The following TTC7A variants were observed in gnomAD, a reference collection of about 807,000 sequenced individuals.
TTC7A encodes the protein tetratricopeptide repeat domain 7A, also known as tetratricopeptide repeat protein 7A.
TTC7A carries 110 observed loss-of-function variants against 103.7 expected under a neutral mutation model. The observed-to-expected ratio is 1.06, with a 90% CI of 0.91 to 1.24. TTC7A has a LOEUF of 1.24. TTC7A is among the 50% of genes most tolerant of loss of function. The pLI is 0.00. For missense variants in TTC7A, 1,340 were observed against 1,116.3 expected, an observed-to-expected ratio of 1.20 and a Z score of -2.86; for synonymous variants, 521 against 467.9, an observed-to-expected ratio of 1.11 and a Z score of -1.47.
chr2:47,046,198 C>G (rs998807941), intron 15 of TTC7A, 117 bp from the exon 16 acceptor site: 5 of 769,314 alleles, frequency 6.5e-6, no homozygotes, highest in Non-Finnish European at 1.1e-5. Flanking sequence ...CCTCATGGCA[C>G]TCTGCTTTCT....
At chr2:46,961,984 C>A (rs1672421772) in intron 3 of TTC7A, among the ~76,000 whole-genome samples, 1 of 152,218 alleles carries the variant, frequency 6.6e-6, no homozygotes, top group South Asian at 2.1e-4. Context: ...GCTGCCCACT[C>A]CCTTGGCAGA....
At chr2:47,037,110 C>T (rs1434421718) in intron 15 of TTC7A, among the ~76,000 whole-genome samples, 1 of 152,224 alleles carries the variant, frequency 6.6e-6, no homozygotes, top group Non-Finnish European at 1.5e-5. Context: ...TGCCCATCTT[C>T]AGAGGACCCC....
chr2:46,989,782 T>C (rs1675420214), intron 5 of TTC7A, among the ~76,000 whole-genome samples: 1 of 151,914 alleles, frequency 6.6e-6, no homozygotes, highest in Non-Finnish European at 1.5e-5. Context: ...TAATGTGCAG[T>C]CCTGATTCTT....
At chr2:46,952,877 T>C (rs1405368614) in intron 2 of TTC7A, among the ~76,000 whole-genome samples, 1 of 152,212 alleles carries the variant, frequency 6.6e-6, no homozygotes. Context: ...TACAAACATA[T>C]ATACACACAG....
chr2:47,005,476 G>A (rs1394301806), intron 8 of TTC7A, among the ~76,000 whole-genome samples: 1 of 152,148 alleles, frequency 6.6e-6, no homozygotes, highest in Non-Finnish European at 1.5e-5. Flanking sequence ...AGTGTCATGA[G>A]AGAGAAAGGT....
chr2:47,070,963 AT>A, intron 19 of TTC7A, among the ~76,000 whole-genome samples: 1 of 152,136 alleles, frequency 6.6e-6, no homozygotes, highest in Middle Eastern at 3.2e-3. Flanking sequence ...CGTGGGGCAC[AT>A]CCTCACCAGG....
At chr2:47,000,763 G>A (rs1676726922) in intron 8 of TTC7A, among the ~76,000 whole-genome samples, 1 of 152,204 alleles carries the variant, frequency 6.6e-6, no homozygotes, top group African/African-American at 2.4e-5. Flanking sequence ...CCTGAGCCTT[G>A]TTCCTTGGCC....
In TTC7A at chr2:47,046,320, T is replaced by C. The variant is rs571512966; in HGVS notation, c.1808T>C (p.Met603Thr). Residue 603 changes from methionine (M) to threonine (T), a missense_variant, in exon 16 of 20, where the codon ATG (methionine) becomes ACG (threonine). Transcript: ENST00000319190. The part of the protein sequence containing the change: ...ITEHPENFNL[M>T]FTKVKLEQVL... ...GCCACTCTCCGTCCCCACAGCCTGA[T>C]GTTCACCAAGGTGAAGCTGGAGCAG... 4.3e-6 allele frequency: 7 copies of C among 1,613,384 alleles called. No homozygotes were observed. The South Asian group carries it at 5.5e-5, about 13-fold the overall frequency.
chr2:47,031,894 G>A (rs1161334719), intron 15 of TTC7A, among the ~76,000 whole-genome samples: 1 of 152,250 alleles, frequency 6.6e-6, no homozygotes, highest in Non-Finnish European at 1.5e-5. Flanking sequence ...GCCCAGCGTG[G>A]GGGACCCACT....
intron 18 of TTC7A, among the ~76,000 whole-genome samples, chr2:47,056,295 C>T (rs905442311): frequency 7.9e-5 from 12 of 152,242 alleles, no homozygotes; most frequent in Non-Finnish European, 1.2e-4. Flanking sequence ...CCAAATGGCC[C>T]CCACTGAGGG....
chr2:47,013,631 C>T (rs1040294380), intron 11 of TTC7A, among the ~76,000 whole-genome samples: 2 of 152,200 alleles, frequency 1.3e-5, no homozygotes, highest in Non-Finnish European at 2.9e-5. Flanking sequence ...GGTCTTCCCA[C>T]CATGCAGGAG....
At chr2:47,017,932 A>G (rs1678847338) in intron 11 of TTC7A, among the ~76,000 whole-genome samples, 1 of 103,346 alleles carries the variant, frequency 9.7e-6, no homozygotes, top group South Asian at 2.8e-4. Context: ...TATACAAAAT[A>G]TGGATATATA....
chr2:46,922,892 C>G (rs554450208), intron 2 of TTC7A, among the ~76,000 whole-genome samples: 2 of 152,202 alleles, frequency 1.3e-5, no homozygotes, highest in African/African-American at 4.8e-5. Flanking sequence ...ACAGCCCTCT[C>G]TTTCCCACCA....
At chr2:46,940,234 A>C (rs539785290), upstream of TTC7A, among the ~76,000 whole-genome samples, 1 of 152,278 alleles carries the variant, frequency 6.6e-6, no homozygotes, top group Non-Finnish European at 1.5e-5. The surrounding 1 kb of genome is among the most constrained non-coding windows in gnomAD (Gnocchi z 4.7). Flanking sequence ...GAGGACGTGG[A>C]GCACCTTCTA....
intron 3 of TTC7A, among the ~76,000 whole-genome samples, chr2:46,964,149 C>G (rs1277373503): frequency 6.6e-6 from 1 of 152,222 alleles, no homozygotes; most frequent in East Asian, 1.9e-4. Context: ...AGCACTCTTG[C>G]AGAGGGAGGT....
intron 19 of TTC7A, among the ~76,000 whole-genome samples, chr2:47,069,279 C>T (rs900620209): frequency 6.6e-6 from 1 of 152,168 alleles, no homozygotes; most frequent in East Asian, 1.9e-4. Context: ...GGATGTGACC[C>T]ATCGGGCCCC....
chr2:47,023,094 G>C (rs959935466), intron 12 of TTC7A, among the ~76,000 whole-genome samples: 4 of 152,256 alleles, frequency 2.6e-5, no homozygotes, highest in Non-Finnish European at 5.9e-5. Context: ...CCAGGCAGAG[G>C]TGGTGGCCCC....
At chr2:47,043,833 C>T in intron 15 of TTC7A, among the ~76,000 whole-genome samples, 1 of 152,288 alleles carries the variant, frequency 6.6e-6, no homozygotes, top group Admixed American at 6.5e-5. Context: ...TACAGCCTGC[C>T]TTTGGTAGAA....
chr2:47,023,658 C>G (rs546847879), intron 13 of TTC7A, among the ~76,000 whole-genome samples, 193 bp downstream of exon 13: 2 of 152,266 alleles, frequency 1.3e-5, no homozygotes, highest in East Asian at 1.9e-4. Flanking sequence ...GCCTTCAGCT[C>G]TGGGGGGCTC....
Sources: allele counts gnomAD v4.1 joint callset (sites outside exome capture counted in the v4.1 genomes callset), GRCh38; gene constraint gnomAD v4.1.1; non-coding constraint Gnocchi (gnomAD v3.1); transcripts MANE v1.5; gene names NCBI Gene and HGNC (gene_info 2026-07-23, HGNC 2026-07-21).